TEX15: variants seen among roughly 807,000 people sequenced by gnomAD.
TEX15 encodes the protein testis-expressed protein 15.
Under a neutral mutation model 237.3 loss-of-function variants are expected in TEX15, and 171 were observed. That is an observed-to-expected ratio of 0.72 (90% CI 0.64 to 0.82). The LOEUF is 0.82. Among genes scored for constraint, TEX15 ranks in the 40% least tolerant of loss-of-function variants. The probability of loss-of-function intolerance (pLI) is 0.00; values close to 1 mark genes in which losing one functional copy is unlikely to be tolerated. For synonymous variants in TEX15, 1,338 were observed against 1,269.8 expected (o/e 1.05, Z -1.14); for missense variants, 3,750 against 3,646.5 (o/e 1.03, Z -0.73).
At chr8:30,859,560 T>C (rs564954545) in intron 6 of TEX15, among the ~76,000 whole-genome samples, 6 of 152,236 alleles carry the variant, frequency 3.9e-5, no homozygotes, top group South Asian at 2.1e-4. Context: ...TGGTGAGACA[T>C]TGGAAATTTA....
chr8:30,842,185 A>G lies in TEX15; in HGVS notation c.7982T>C (p.Ile2661Thr), dbSNP rs778105991. ...ATTGTTATTTTCCCCAGGTTTTACAATATGAATATTCATTTTTTCTTTTCT... is the reference window on the plus strand; with the variant it reads ...ATTGTTATTTTCCCCAGGTTTTACAGTATGAATATTCATTTTTTCTTTTCT... ...LKRKEKMNIH[I>T]VKPGENNNKF... Residue 2661 changes from isoleucine to threonine, a missense_variant, in exon 8 of 11, where the codon ATT (isoleucine) becomes ACT (threonine). Ile to Thr is a moderately conservative substitution (Grantham distance 89). Coordinates refer to ENST00000643185, the MANE Select transcript of TEX15 (RefSeq NM_001350162.2). 8 of 1,612,304 alleles carry G rather than the reference A, an allele frequency of 5.0e-6. No individual in the cohort carries two copies. In the Admixed American group the frequency reaches 1.3e-4, roughly 27 times the overall value.
rs1327731068 is a variant in TEX15, at chr8:30,832,264, C to A, written c.*1022G>T. On this transcript the variant is annotated 3_prime_UTR_variant, in exon 11 of 11. Transcript: ENST00000643185. ...AGTTTGCAAAAGCACTGAAGCTTTG[C>A]TAGTTATTTGTTGTGATTCAGCCAA... 2 of 152,222 alleles carry A rather than the reference C, an allele frequency of 1.3e-5. No individual in the cohort carries two copies. Among genetic ancestry groups the A allele is most frequent in the Non-Finnish European group, 1.5e-5 (1 of 68,032 alleles). The allele number at this position is 152,222 out of a possible 1,614,324, so 9.4% of individuals were successfully genotyped here.
intron 7 of TEX15, among the ~76,000 whole-genome samples, chr8:30,852,422 T>A (rs756434816): frequency 6.6e-6 from 1 of 152,154 alleles, no homozygotes; most frequent in Non-Finnish European, 1.5e-5. Context: ...AACATTTCCA[T>A]TTTACTGATG....
intron 2 of TEX15, chr8:30,887,889 C>CACATAT (rs1491463632): frequency 9.3e-6 from 1 of 108,064 alleles, no homozygotes; most frequent in Non-Finnish European, 2.0e-5. Context: ...ATATATATTT[C>CACATAT]ATATATATAT....
intron 2 of TEX15, 46 bp from the exon 3 acceptor site, chr8:30,887,357 T>C (rs962489087): frequency 8.0e-5 from 117 of 1,457,596 alleles, no homozygotes; most frequent in Non-Finnish European, 9.5e-5. Flanking sequence ...AATAAATACA[T>C]AAAAGGCAAT....
rs114416386 is a variant in TEX15 at position 30,864,614 on chromosome 8, A to G, written c.540+2651T>C. ...AGAAATAGGAGGGATAATTTCCCAG[A>G]CCAGAAAAAAAAAAAAAAAAAAAGG... On this transcript the variant is annotated intron_variant, in intron 5 of 10. Transcript: ENST00000643185. Among the ~76,000 whole-genome samples, 1,270 of 139,434 alleles carry G rather than the reference A, an allele frequency of 9.1e-3. 20 individuals carry two copies. Among genetic ancestry groups the G allele is most frequent in the African/African-American group, 0.036 (1,196 of 33,360 alleles). The allele number at this position is 139,434 out of a possible 152,430, so 91.5% of individuals were successfully genotyped here.
At chr8:30,874,844 A>T in intron 4 of TEX15, 93 bp downstream of exon 4, 1 of 742,128 alleles carries the variant, frequency 1.3e-6, no homozygotes, top group Non-Finnish European at 1.9e-6. Context: ...GTAATAACTT[A>T]CTAAATCTCA....
In TEX15 at chr8:30,844,756, C is replaced by T. The variant is rs1260205927; in HGVS notation, c.5411G>A (p.Ser1804Asn). Reference protein sequence around the residue: ...DVASGTEEDKSYGENIVELSS... With the variant: ...DVASGTEEDKNYGENIVELSS... ...TAATTCCACTATATTTTCCCCATAA[C>T]TTTTATCTTCTTCAGTTCCTGATGC... Residue 1804 changes from serine to asparagine, a missense_variant, in exon 8 of 11, where the codon AGT (serine) becomes AAT (asparagine). Physicochemically the swap from Ser to Asn is conservative, Grantham distance 46 (BLOSUM62 1). Coordinates refer to ENST00000643185, the MANE Select transcript of TEX15 (RefSeq NM_001350162.2). 1 of 1,613,280 alleles carries T rather than the reference C, an allele frequency of 6.2e-7. No individual in the cohort carries two copies. Among genetic ancestry groups the T allele is most frequent in the Non-Finnish European group, 8.5e-7 (1 of 1,179,534 alleles).
At chr8:30,895,297 CAAAAAAA>C (rs34514049) in intron 2 of TEX15, among the ~76,000 whole-genome samples, 5 of 60,472 alleles carry the variant, frequency 8.3e-5, no homozygotes, top group African/African-American at 2.5e-4. Context: ...GACTCCATCT[CAAAAAAA>C]AAAAAAAAAA....
rs1309820376 is a variant in TEX15 at position 30,848,082 on chromosome 8, T to C, written c.2085A>G (p.Thr695=). 3.1e-6 allele frequency: 5 copies of C among 1,611,518 alleles called. No individual in the cohort carries two copies. The East Asian group carries it at 1.1e-4, about 36-fold the overall frequency. The change falls in exon 8 of 11, where the codon ACA becomes ACG. Residue 695 remains threonine (T), a synonymous_variant. Coordinates refer to ENST00000643185, the MANE Select transcript of TEX15 (RefSeq NM_001350162.2). ...GTTCATCCTTATCCTTTATGGTAGA[T>C]GTAGAAGATTTTGTTATTTCTAACT... is the stretch of plus-strand genomic sequence containing the variant. ...TQELEITKSS[T]STIKDKDELD... is the part of the protein sequence containing the mutation.
At position 30,842,457 on chromosome 8, in the gene TEX15, T is replaced by C. The variant is rs1252372777; in HGVS notation, c.7710A>G (p.Pro2570=). The change falls in exon 8 of 11, where the codon CCA becomes CCG. Residue 2570 remains proline, a synonymous_variant. Coordinates refer to ENST00000643185, the MANE Select transcript of TEX15 (RefSeq NM_001350162.2). ...YFISTYIDFV[P]YIASINYGST... is the part of the protein sequence containing the mutation. The stretch of plus-strand genomic sequence containing the variant: ...TTCCATAATTTATGGATGCTATATA[T>C]GGCACAAAGTCAATATATGTGGAAA... The C allele has an allele frequency of 1.9e-6, 3 of 1,613,506 alleles. No homozygotes were observed. The highest frequency in any genetic ancestry group is 1.1e-5 in the South Asian group (1 of 90,958).
intron 4 of TEX15, among the ~76,000 whole-genome samples, chr8:30,868,490 T>C (rs1808223672): frequency 6.6e-6 from 1 of 151,996 alleles, no homozygotes. Flanking sequence ...GCTTCCGAGA[T>C]TTATTTCCTG....
At chr8:30,859,012 T>C (rs999501638) in intron 6 of TEX15, among the ~76,000 whole-genome samples, 182 bp from the exon 7 acceptor site, 3 of 150,962 alleles carry the variant, frequency 2.0e-5, no homozygotes, top group African/African-American at 4.9e-5. Context: ...TCCCCCACAA[T>C]TTTTTTTTGA....
chr8:30,899,237 T>C (rs1487680487), intron 1 of TEX15, among the ~76,000 whole-genome samples: 1 of 152,174 alleles, frequency 6.6e-6, no homozygotes. Context: ...TTATGATACA[T>C]GCTACACACA....
At chr8:30,907,680 TA>T (rs200414233) in intron 1 of TEX15, among the ~76,000 whole-genome samples, 13,471 of 139,010 alleles carry the variant, frequency 0.097, 660 homozygotes, top group Middle Eastern at 0.13. Context: ...AAATTATATA[TA>T]AAATTTTATA....
Position 30,859,979 on chromosome 8 carries a change from C to T in TEX15, c.619G>A (p.Asp207Asn). The change falls in exon 6 of 11, where the codon GAT becomes AAT. Residue 207 changes from aspartate (D) to asparagine (N), a missense_variant. By Grantham distance (23) the Asp-to-Asn change is conservative. Coordinates refer to ENST00000643185, the MANE Select transcript of TEX15 (RefSeq NM_001350162.2). ...KVSLDPSPNF[D>N]CHMSRNAPSL... ...GGTGCATTTCTTGACATATGGCAAT[C>T]AAAGTTAGGAGAAGGATCCAAAGAA... The T allele has an allele frequency of 2.6e-6, 4 of 1,516,264 alleles. No individual in the cohort carries two copies. Among genetic ancestry groups the T allele is most frequent in the South Asian group, 2.5e-5 (2 of 79,316 alleles). The allele number at this position is 1,516,264 out of a possible 1,614,324, so 93.9% of individuals were successfully genotyped here.
At chr8:30,909,401 C>G (rs914201461) in intron 1 of TEX15, among the ~76,000 whole-genome samples, 2 of 142,784 alleles carry the variant, frequency 1.4e-5, no homozygotes, top group Admixed American at 7.1e-5. Context: ...CAGACCCCCC[C>G]CCGCCCCCAC....
At chr8:30,851,210 TA>T (rs1807776727) in intron 7 of TEX15, among the ~76,000 whole-genome samples, 1 of 152,200 alleles carries the variant, frequency 6.6e-6, no homozygotes, top group African/African-American at 2.4e-5. Context: ...GCTAGAAACC[TA>T]ACTATACATC....
At chr8:30,880,675 A>T (rs1808501163) in intron 3 of TEX15, among the ~76,000 whole-genome samples, 1 of 151,924 alleles carries the variant, frequency 6.6e-6, no homozygotes, top group South Asian at 2.1e-4. Flanking sequence ...ACATAAAATT[A>T]TGTGTTAATC....
Sources: gnomAD v4.1 joint callset for allele counts (sites outside exome capture counted in the v4.1 genomes callset) on GRCh38, gnomAD v4.1.1 for gene constraint, MANE v1.5 for transcripts, NCBI Gene and HGNC (gene_info 2026-07-23, HGNC 2026-07-21) for gene names.